Variants in FAM135B observed in about 807,000 individuals in gnomAD.
FAM135B encodes the protein protein FAM135B.
FAM135B carries 43 observed loss-of-function variants against 127.7 expected under a neutral mutation model. That is an observed-to-expected ratio of 0.34 (90% confidence interval 0.26 to 0.43). The LOEUF is 0.43. Among genes scored for constraint, FAM135B ranks in the 20% least tolerant of loss-of-function variants. The probability of loss-of-function intolerance (pLI) is 1.00; values close to 1 mark genes in which losing one functional copy is unlikely to be tolerated. For missense variants in FAM135B, 1,558 were observed against 1,725.6 expected (o/e 0.90, Z 1.72); for synonymous variants, 670 against 665.1 (o/e 1.01, Z -0.11).
intron 1 of FAM135B, among the ~76,000 whole-genome samples, chr8:138,425,114 A>G (rs1249257014): frequency 6.6e-6 from 1 of 152,208 alleles, no homozygotes; most frequent in Admixed American, 6.5e-5. Context: ...AAGAGCTACC[A>G]TAATGTGTAC....
chr8:138,210,623 G>T (rs1490985030), intron 7 of FAM135B, among the ~76,000 whole-genome samples: 1 of 152,064 alleles, frequency 6.6e-6, no homozygotes, highest in Non-Finnish European at 1.5e-5. Flanking sequence ...ATCAAATCTT[G>T]TGAGAACTCA....
chr8:138,306,379 G>A (rs1429448372), intron 3 of FAM135B, among the ~76,000 whole-genome samples: 14 of 148,692 alleles, frequency 9.4e-5, no homozygotes, highest in African/African-American at 3.0e-4. Context: ...AGGTTGTGGT[G>A]AGCCGAGATT....
chr8:138,252,654 T>C (rs1250367482), intron 5 of FAM135B, among the ~76,000 whole-genome samples: 1 of 152,160 alleles, frequency 6.6e-6, no homozygotes, highest in Non-Finnish European at 1.5e-5. Context: ...TCTGAAATGA[T>C]GGTGATAAAC....
intron 2 of FAM135B, among the ~76,000 whole-genome samples, chr8:138,328,517 A>G (rs898852160): frequency 7.9e-5 from 12 of 152,174 alleles, no homozygotes; most frequent in African/African-American, 1.9e-4. Flanking sequence ...CGGGAGGGCA[A>G]GTCCTAGAGA....
intron 2 of FAM135B, chr8:138,367,520 G>A (rs1027202745): frequency 6.7e-6 from 3 of 449,426 alleles, no homozygotes; most frequent in African/African-American, 6.0e-5. Flanking sequence ...ACGTGGTTTT[G>A]AAGTAATGGC....
chr8:138,258,156 G>A (rs984665796), intron 4 of FAM135B, among the ~76,000 whole-genome samples: 1 of 152,170 alleles, frequency 6.6e-6, no homozygotes, highest in Non-Finnish European at 1.5e-5. Flanking sequence ...AGTGTCTGCT[G>A]CATAGAAAGT....
At chr8:138,462,346 G>A (rs1837174573) in intron 1 of FAM135B, among the ~76,000 whole-genome samples, 3 of 152,106 alleles carry the variant, frequency 2.0e-5, no homozygotes, top group South Asian at 4.1e-4. Flanking sequence ...TTCCTATTTG[G>A]TAGAGCAAGT....
At chr8:138,435,216 G>A (rs1456866055) in intron 1 of FAM135B, among the ~76,000 whole-genome samples, 1 of 152,058 alleles carries the variant, frequency 6.6e-6, no homozygotes, top group Non-Finnish European at 1.5e-5. Context: ...AGAATTACTT[G>A]AACCCGGGAG....
At chr8:138,427,651 A>G (rs1200497332) in intron 1 of FAM135B, among the ~76,000 whole-genome samples, 1 of 152,136 alleles carries the variant, frequency 6.6e-6, no homozygotes, top group Non-Finnish European at 1.5e-5. Context: ...AGGCCACTAC[A>G]TTGTTTAGAA....
intron 3 of FAM135B, among the ~76,000 whole-genome samples, chr8:138,269,667 A>T (rs187512530): frequency 1.3e-3 from 199 of 152,362 alleles, no homozygotes; most frequent in Middle Eastern, 0.01. Flanking sequence ...TAAGGGAAAT[A>T]TAAGTTCTAG....
At chr8:138,386,113 G>A (rs1486905956) in intron 1 of FAM135B, among the ~76,000 whole-genome samples, 1 of 151,836 alleles carries the variant, frequency 6.6e-6, no homozygotes, top group Non-Finnish European at 1.5e-5. Flanking sequence ...CTACTCAGGA[G>A]GCTGAGGCAG....
chr8:138,166,876 A>G (rs1195247441), intron 12 of FAM135B, among the ~76,000 whole-genome samples: 40 of 152,148 alleles, frequency 2.6e-4, no homozygotes, highest in Admixed American at 2.6e-3. Context: ...TCAATCAGGA[A>G]TATGGTAGCT....
rs76037367 is a variant in FAM135B at position 138,400,931 on chromosome 8, C to T, written c.-19-32929G>A. Among the ~76,000 whole-genome samples, 157 of 152,288 alleles carry T rather than the reference C, an allele frequency of 1.0e-3. 4 individuals carry two copies. The highest frequency in any genetic ancestry group is 0.01 in the East Asian group (52 of 5,184). ...TTTGATGACTTTGCTGAAACTGAAC[C>T]ATCAACCATTTTAAGATCTCTGATA... On this transcript the variant is annotated intron_variant, in intron 1 of 19. Transcript: ENST00000395297.
chr8:138,335,225 G>T (rs182510521), intron 2 of FAM135B, among the ~76,000 whole-genome samples: 53 of 152,228 alleles, frequency 3.5e-4, no homozygotes, highest in African/African-American at 1.3e-3. Context: ...ATGCCCATCG[G>T]AGAACTCGAG....
chr8:138,300,783 G>T (rs530940917), intron 3 of FAM135B, among the ~76,000 whole-genome samples: 2 of 122,174 alleles, frequency 1.6e-5, no homozygotes, highest in South Asian at 5.2e-4. Flanking sequence ...ACTGAGTCTC[G>T]CTCTGTTGCC....
intron 12 of FAM135B, among the ~76,000 whole-genome samples, chr8:138,156,201 G>A (rs1174492549): frequency 6.6e-6 from 1 of 152,142 alleles, no homozygotes; most frequent in Non-Finnish European, 1.5e-5. Context: ...TGACTACTGG[G>A]TTCATAATGA....
At chr8:138,324,814 CA>C (rs1196785770) in intron 2 of FAM135B, among the ~76,000 whole-genome samples, 1 of 152,182 alleles carries the variant, frequency 6.6e-6, no homozygotes, top group Non-Finnish European at 1.5e-5. Context: ...AACGACTATA[CA>C]ATACACCCTA....
rs2130486566 is a variant in FAM135B at position 138,250,932 on chromosome 8, G to C, written c.451C>G (p.Gln151Glu). Residue 151 changes from glutamine to glutamate, a missense_variant, in exon 6 of 20, where the codon CAG becomes GAG. Around this residue, in one of 5 missense-constraint regions of FAM135B, gnomAD observed 199 missense variants for 245.7 expected, o/e 0.81. Coordinates refer to ENST00000395297, the MANE Select transcript of FAM135B (RefSeq NM_015912.4). ...HFHPRNGLHH[Q>E]VPVMFDYFHL... ...AAATAGTCGAACATGACCGGGACCT[G>C]GTGGTGCAGACCATTCCGGGGGTGG... The C allele has an allele frequency of 6.2e-7, 1 of 1,613,910 alleles. No individual in the cohort carries two copies. The highest frequency in any genetic ancestry group is 8.5e-7 in the Non-Finnish European group (1 of 1,179,982).
At chr8:138,312,938 G>A (rs1731343472) in intron 2 of FAM135B, among the ~76,000 whole-genome samples, 1 of 152,222 alleles carries the variant, frequency 6.6e-6, no homozygotes, top group African/African-American at 2.4e-5. Context: ...ATTCAATGGA[G>A]CAGAGATCGC....
Sources: gnomAD v4.1 joint callset for allele counts (sites outside exome capture counted in the v4.1 genomes callset) on GRCh38, gnomAD v4.1.1 for gene constraint, gnomAD v4.1.1 regional missense constraint, MANE v1.5 for transcripts, NCBI Gene and HGNC (gene_info 2026-07-23, HGNC 2026-07-21) for gene names.